Variants in SNX22 observed in about 807,000 individuals in gnomAD.
The protein encoded by SNX22 is sorting nexin 22, also known as sorting nexin-22.
SNX22 carries 23 observed loss-of-function variants against 24.7 expected under a neutral mutation model. The ratio of observed to expected loss-of-function variants is 0.93; its 90% CI spans 0.67 to 1.32. SNX22 has a LOEUF of 1.32. Ranked by LOEUF, SNX22 falls within the 40% of genes most tolerant of loss-of-function variation. The pLI, the probability that SNX22 is intolerant of heterozygous loss-of-function variation, is 0.00. For missense variants in SNX22, 261 were observed against 249.9 expected (o/e 1.04, Z -0.30); for synonymous variants, 99 against 104.0 (o/e 0.95, Z 0.29).
chr15:64,152,313 C>G lies in SNX22; in HGVS notation c.146C>G (p.Ala49Gly), dbSNP rs967246864. The stretch of plus-strand genomic sequence containing the variant: ...CCAAGGCGCTACAGCGAGTTCCACG[C>G]GCTGCACAAGCGGGTGAGGCGGCGC... ...TVPRRYSEFH[A>G]LHKRIKKLYK... Residue 49 changes from alanine to glycine, a missense_variant, in exon 2 of 7, where the codon GCG becomes GGG. By Grantham distance (60) the Ala-to-Gly change is moderately conservative. Coordinates refer to ENST00000325881, the MANE Select transcript of SNX22 (RefSeq NM_024798.3). The G allele has an allele frequency of 5.9e-6, 9 of 1,514,326 alleles. No individual in the cohort carries two copies. The East Asian group carries it at 2.3e-4, about 39-fold the overall frequency. The allele number at this position is 1,514,326 out of a possible 1,614,324, so 93.8% of individuals were successfully genotyped here.
chr15:64,152,171 G>A, intron 1 of SNX22, 72 bp from the exon 2 acceptor site: 2 of 1,303,468 alleles, frequency 1.5e-6, no homozygotes, highest in Non-Finnish European at 2.0e-6. Flanking sequence ...TGGGCACGTC[G>A]CCAGGCGCAG....
At position 64,154,089 on chromosome 15, in the gene SNX22, T is replaced by G. The variant is rs1454705159; in HGVS notation, c.460+87T>G. ...CCTGGGACCCTCAGACAGCATCTCC[T>G]TCCTGCTGCCCACCTCTGGAGCCAC... On this transcript the variant is annotated intron_variant, in intron 6 of 6. Transcript: ENST00000325881. The G allele has an allele frequency of 1.9e-6, 3 of 1,612,798 alleles. No individual in the cohort carries two copies. The Admixed American group carries it at 5.0e-5, about 27-fold the overall frequency.
Position 64,153,998 on chromosome 15 carries a change from C to G in SNX22, c.456C>G (p.Ser152=). 6.2e-7 allele frequency: 1 copy of G among 1,614,124 alleles called. No individual in the cohort carries two copies. The highest frequency in any genetic ancestry group is 1.1e-5 in the South Asian group (1 of 91,082). Residue 152 remains serine, a synonymous_variant, in exon 6 of 7, where the codon TCC becomes TCG. Coordinates refer to ENST00000325881, the MANE Select transcript of SNX22 (RefSeq NM_024798.3). ...FHVDPYVCNP[S]PESLPNVVVN... ...TGGATCCCTATGTTTGCAACCCCTC[C>G]CCAGGTGAGGAGGTGCCTAGATATG...
Position 64,156,240 on chromosome 15 carries a change from C to T in SNX22, c.*1732C>T. ...AGCGTATGGCTCAGGAGGGCTAAGACCCACAAGTGATCAACAGCACACAAA... is the reference window on the plus strand; with the variant it reads ...AGCGTATGGCTCAGGAGGGCTAAGATCCACAAGTGATCAACAGCACACAAA... On this transcript the variant is annotated 3_prime_UTR_variant, in exon 7 of 7. Coordinates refer to ENST00000325881, the MANE Select transcript of SNX22 (RefSeq NM_024798.3). The surrounding 1 kb of genome is among the most constrained non-coding windows in gnomAD (Gnocchi z 6.4). 6.7e-7 allele frequency: 1 copy of T among 1,503,212 alleles called. No homozygotes were observed. The highest frequency in any genetic ancestry group is 9.1e-7 in the Non-Finnish European group (1 of 1,095,196). 93.1% of individuals were successfully genotyped at this position (1,503,212 alleles called of 1,614,324 possible).
intron 4 of SNX22, 149 bp downstream of exon 4, chr15:64,153,488 T>A (rs1434831819): frequency 6.7e-7 from 1 of 1,493,084 alleles, no homozygotes; most frequent in Admixed American, 1.9e-5. Context: ...AGGGGCTTTT[T>A]TTTGGACAGA....
At position 64,152,723 on chromosome 15, in the gene SNX22, G is replaced by T. The variant is rs1470930391; in HGVS notation, c.245G>T (p.Gly82Val). 1.2e-6 allele frequency: 2 copies of T among 1,614,076 alleles called. No individual in the cohort carries two copies. Among genetic ancestry groups the T allele is most frequent in the Admixed American group, 3.3e-5 (2 of 60,010 alleles). The change falls in exon 3 of 7, where the codon GGC (glycine) becomes GTC (valine). Residue 82 changes from glycine (G) to valine (V), a missense_variant. Physicochemically the swap from Gly to Val is moderately radical, Grantham distance 109. Transcript: ENST00000325881. ...RTRGLEQRRQ[G>V]LEAYIQGILY... ...AGAGGGTTGGAACAGCGCCGGCAGG[G>T]CTTGGAGGCTTACATCCAGGTATGC...
chr15:64,151,910 G>A, intron 1 of SNX22, 60 bp downstream of exon 1: 4 of 1,452,014 alleles, frequency 2.8e-6, no homozygotes, highest in East Asian at 2.7e-5. Context: ...CCCGCGCTGC[G>A]CTCAGTGGGG....
rs1434831819 is a variant in SNX22 at position 64,153,488 on chromosome 15, T to C, written c.359+149T>C. The C allele has an allele frequency of 4.7e-6, 7 of 1,493,202 alleles. No individual in the cohort carries two copies. In the African/African-American group the frequency reaches 5.6e-5, roughly 12 times the overall value. The allele number at this position is 1,493,202 out of a possible 1,614,324, so 92.5% of individuals were successfully genotyped here. ...TCTTGACCTGGGTGGAGGGGCTTTT[T>C]TTTGGACAGACTTGGTTACCCCCGC... On this transcript the variant is annotated intron_variant, in intron 4 of 6. Coordinates refer to ENST00000325881, the MANE Select transcript of SNX22 (RefSeq NM_024798.3).
chr15:64,153,128 C>T, intron 3 of SNX22, 117 bp from the exon 4 acceptor site: 2 of 1,294,110 alleles, frequency 1.5e-6, no homozygotes, highest in Non-Finnish European at 2.2e-6. Flanking sequence ...GTTCAACGCT[C>T]TGCTGTCATT....
At chr15:64,152,411 C>T in intron 2 of SNX22, 85 bp downstream of exon 2, 1 of 1,371,834 alleles carries the variant, frequency 7.3e-7, no homozygotes, top group Non-Finnish European at 9.8e-7. Flanking sequence ...CGGGCGAGCC[C>T]CAGCCTCCGC....
intron 3 of SNX22, chr15:64,153,001 G>A (rs2081498479): frequency 4.9e-6 from 3 of 612,766 alleles, no homozygotes; most frequent in Non-Finnish European, 5.7e-6. Flanking sequence ...GAGGTCCTGT[G>A]CTGCCCTCCT....
At chr15:64,152,506 C>G in intron 2 of SNX22, 132 bp from the exon 3 acceptor site, 1 of 1,208,328 alleles carries the variant, frequency 8.3e-7, no homozygotes, top group Non-Finnish European at 1.2e-6. Flanking sequence ...CGCCCTCGGC[C>G]GGTCCACCAC....
rs201844254 is a variant in SNX22 at position 64,152,602 on chromosome 15, G to T, written c.160-36G>T. On this transcript the variant is annotated intron_variant, in intron 2 of 6. Transcript: ENST00000325881. ...GCGAAGAGGGCTTGAGGGCTCAGTCGGGATGCTGTGATCGCACGCGGTAAA... is the reference window on the plus strand; with the variant it reads ...GCGAAGAGGGCTTGAGGGCTCAGTCTGGATGCTGTGATCGCACGCGGTAAA... 6.2e-5 allele frequency: 98 copies of T among 1,591,744 alleles called. No individual in the cohort carries two copies. The East Asian group carries it at 2.1e-3, about 34-fold the overall frequency.
chr15:64,152,398 G>T, intron 2 of SNX22, 72 bp downstream of exon 2: 1 of 1,427,484 alleles, frequency 7.0e-7, no homozygotes, highest in Non-Finnish European at 9.3e-7. Flanking sequence ...CCTGTGAGGC[G>T]GGCGGGCGAG....
intron 1 of SNX22, 148 bp downstream of exon 1, chr15:64,151,998 G>A: frequency 3.4e-6 from 3 of 874,722 alleles, no homozygotes; most frequent in Non-Finnish European, 4.9e-6. Context: ...TTTGGGGGCC[G>A]CTTGGATTTG....
chr15:64,151,889 C>A (rs1322951845), intron 1 of SNX22, 39 bp downstream of exon 1: 4 of 1,506,854 alleles, frequency 2.7e-6, no homozygotes, highest in Non-Finnish European at 3.5e-6. Flanking sequence ...CGCCGGGACC[C>A]GCAGGATTTC....
chr15:64,154,472 G>A lies in SNX22; in HGVS notation c.546G>A (p.Ala182=), dbSNP rs147950306. 8.1e-6 allele frequency: 13 copies of A among 1,614,158 alleles called. No homozygotes were observed. Among genetic ancestry groups the A allele is most frequent in the African/African-American group, 6.7e-5 (5 of 75,038 alleles). The change falls in exon 7 of 7, where the codon GCG becomes GCA. Residue 182 remains alanine (A), a synonymous_variant. Transcript: ENST00000325881. ...GCCCAGATAAAGCCCAGCCAAAGGCGGCCTGTCACCCTGCTCCTCTGCCAC... is the reference window on the plus strand; with the variant it reads ...GCCCAGATAAAGCCCAGCCAAAGGCAGCCTGTCACCCTGCTCCTCTGCCAC... ...SISPDKAQPK[A]ACHPAPLPPM... is the part of the protein sequence containing the mutation.
intron 6 of SNX22, 172 bp from the exon 7 acceptor site, chr15:64,154,215 A>G (rs2081509809): frequency 6.3e-7 from 1 of 1,577,734 alleles, no homozygotes; most frequent in African/African-American, 1.4e-5. Flanking sequence ...CTTCTTTACC[A>G]AGCTGATGTG....
rs748946178 is a variant in SNX22, at chr15:64,153,670, G to T, written c.378G>T (p.Leu126=). 6.2e-7 allele frequency: 1 copy of T among 1,614,074 alleles called. No homozygotes were observed. The highest frequency in any genetic ancestry group is 1.7e-5 in the Admixed American group (1 of 60,030). ...ASNWGTLREF[L]PGDSSSQQHQ... ...TCTTCAGCACCCTGAGGGAGTTCCTGCCTGGCGACAGCAGGCAAGTCAAAG... is the reference window on the plus strand; with the variant it reads ...TCTTCAGCACCCTGAGGGAGTTCCTTCCTGGCGACAGCAGGCAAGTCAAAG... The change falls in exon 5 of 7, where the codon CTG becomes CTT. Residue 126 remains leucine, a synonymous_variant. Coordinates refer to ENST00000325881, the MANE Select transcript of SNX22 (RefSeq NM_024798.3).
Sources: allele counts gnomAD v4.1 joint callset, GRCh38; gene constraint gnomAD v4.1.1; non-coding constraint Gnocchi (gnomAD v3.1); transcripts MANE v1.5; gene names NCBI Gene and HGNC (gene_info 2026-07-23, HGNC 2026-07-21).